PABPC1L2B: variants seen among roughly 807,000 people sequenced by gnomAD.
The protein encoded by PABPC1L2B is polyadenylate-binding protein 1-like 2.
For missense variants in PABPC1L2B, 5 were observed against 16.4 expected, an observed-to-expected ratio of 0.30 and a Z score of 1.20; for synonymous variants, 7 against 7.1, an observed-to-expected ratio of 0.99 and a Z score of 0.02.
In PABPC1L2B at chrX:73,005,792, A is replaced by G. The variant is rs1556364722; in HGVS notation, c.*1547A>G. 1 of 121,796 alleles carries G rather than the reference A, an allele frequency of 8.2e-6. No homozygotes were observed. The highest frequency in any genetic ancestry group is 1.9e-5 in the Non-Finnish European group (1 of 53,263). The allele number at this position is 121,796 out of a possible 1,213,427, so 10.0% of individuals were successfully genotyped here. ...ATATATATACATATTAGATATAGAT[A>G]TAGGGATATATTTGTTTTAAGTAGT... On this transcript the variant is annotated 3_prime_UTR_variant, in exon 1 of 1. Transcript: ENST00000373521.
Position 73,004,945 on chromosome X carries a change from T to G in PABPC1L2B, c.*700T>G. ...TCCAGTGTATCCGTGGACCTTAACA[T>G]TTCTGTAATCATTCCCGCATTGTTG... On this transcript the variant is annotated 3_prime_UTR_variant, in exon 1 of 1. Transcript: ENST00000373521. 1 of 29,360 alleles carries G rather than the reference T, an allele frequency of 3.4e-5. No individual in the cohort carries two copies. The highest frequency in any genetic ancestry group is 6.8e-5 in the Non-Finnish European group (1 of 14,698). The allele number at this position is 29,360 out of a possible 1,213,427, so 2.4% of individuals were successfully genotyped here. A position where few individuals can be genotyped will look rare whatever the true frequency, so the allele number is the denominator to read the frequency against.
chrX:73,003,493 G>C lies in PABPC1L2B; in HGVS notation c.-150G>C. On this transcript the variant is annotated 5_prime_UTR_variant, in exon 1 of 1. Transcript: ENST00000373521. Reference sequence around the variant, plus strand: ...AGCGGAGGCTGCGGGGCCCCCCTTGGGGGAGGCGGAGGCGGATGCGGATGC... The same window carrying C: ...AGCGGAGGCTGCGGGGCCCCCCTTGCGGGAGGCGGAGGCGGATGCGGATGC... 3 of 765,394 alleles carry C rather than the reference G, an allele frequency of 3.9e-6. No individual in the cohort carries two copies. Among genetic ancestry groups the C allele is most frequent in the Non-Finnish European group, 4.9e-6 (3 of 612,328 alleles). The allele number at this position is 765,394 out of a possible 1,213,427, so 63.1% of individuals were successfully genotyped here. A position where few individuals can be genotyped will look rare whatever the true frequency, so the allele number is the denominator to read the frequency against.
chrX:73,005,850 C>G lies in PABPC1L2B; in HGVS notation c.*1605C>G, dbSNP rs1169797396. ...CGTCTGGGTTGTTTCATTTTGTTTT[C>G]TTATGCAAGCCAAAGCTGCCAACAA... On this transcript the variant is annotated 3_prime_UTR_variant, in exon 1 of 1. Coordinates refer to ENST00000373521, the MANE Select transcript of PABPC1L2B (RefSeq NM_001042506.2). 1 of 117,511 alleles carries G rather than the reference C, an allele frequency of 8.5e-6. No individual in the cohort carries two copies. The highest frequency in any genetic ancestry group is 9.5e-5 in the Admixed American group (1 of 10,477). 9.7% of individuals were successfully genotyped at this position (117,511 alleles called of 1,213,427 possible). A position where few individuals can be genotyped will look rare whatever the true frequency, so the allele number is the denominator to read the frequency against.
rs989020532 is a variant in PABPC1L2B, at chrX:73,005,683, T to C, written c.*1438T>C. 3 of 123,314 alleles carry C rather than the reference T, an allele frequency of 2.4e-5. No individual in the cohort carries two copies. Among genetic ancestry groups the C allele is most frequent in the African/African-American group, 9.7e-5 (3 of 30,802 alleles). The allele number at this position is 123,314 out of a possible 1,213,427, so 10.2% of individuals were successfully genotyped here. Reference sequence around the variant, plus strand: ...CATAGATTTATAGATATTCTTGAACTTTCATGTCATTAAATATTCTTCTAA... The same window carrying C: ...CATAGATTTATAGATATTCTTGAACCTTCATGTCATTAAATATTCTTCTAA... On this transcript the variant is annotated 3_prime_UTR_variant, in exon 1 of 1. Coordinates refer to ENST00000373521, the MANE Select transcript of PABPC1L2B (RefSeq NM_001042506.2).
chrX:73,003,549 C>G lies in PABPC1L2B; in HGVS notation c.-94C>G, dbSNP rs1786974346. 8 of 550,450 alleles carry G rather than the reference C, an allele frequency of 1.5e-5. No homozygotes were observed. Among genetic ancestry groups the G allele is most frequent in the Admixed American group, 4.4e-5 (1 of 22,723 alleles). 45.4% of individuals were successfully genotyped at this position (550,450 alleles called of 1,213,427 possible). On this transcript the variant is annotated 5_prime_UTR_variant, in exon 1 of 1. Coordinates refer to ENST00000373521, the MANE Select transcript of PABPC1L2B (RefSeq NM_001042506.2). ...CGGATGCGAATGCGAAGGTGGCGGC[C>G]GAGGTGGCGGCCGAGGTGGCGGCTG...
chrX:73,003,243 GGCGGCA>G lies in PABPC1L2B; in HGVS notation c.-394_-389del, dbSNP rs1349483501. On this transcript the variant is annotated 5_prime_UTR_variant, in exon 1 of 1. Coordinates refer to ENST00000373521, the MANE Select transcript of PABPC1L2B (RefSeq NM_001042506.2). ...CAGCAGCGACAGTGGCGGCGGCGGT[GGCGGCA>G]GCGGCTGCGGCGGCGGCGGAGGCTG... Among the ~76,000 whole-genome samples, 10 of 7,558 alleles carry G rather than the reference GGCGGCA, an allele frequency of 1.3e-3. No homozygotes were observed. Among genetic ancestry groups the G allele is most frequent in the Non-Finnish European group, 1.6e-3 (9 of 5,636 alleles). 6.6% of individuals were successfully genotyped at this position (7,558 alleles called of 115,157 possible). A position where few individuals can be genotyped will look rare whatever the true frequency, so the allele number is the denominator to read the frequency against.
chrX:73,005,304 T>A lies in PABPC1L2B; in HGVS notation c.*1059T>A, dbSNP rs1325891801. On this transcript the variant is annotated 3_prime_UTR_variant, in exon 1 of 1. Transcript: ENST00000373521. Reference sequence around the variant, plus strand: ...GCGTGTGTGCATGCGTGTGTGTGTCTTTGTGTGTGTGTCTTGGCCAGCTTG... The same window carrying A: ...GCGTGTGTGCATGCGTGTGTGTGTCATTGTGTGTGTGTCTTGGCCAGCTTG... 1 of 122,496 alleles carries A rather than the reference T, an allele frequency of 8.2e-6. No homozygotes were observed. Among genetic ancestry groups the A allele is most frequent in the African/African-American group, 3.3e-5 (1 of 30,475 alleles). The allele number at this position is 122,496 out of a possible 1,213,427, so 10.1% of individuals were successfully genotyped here.
Position 73,005,730 on chromosome X carries a change from G to C in PABPC1L2B, c.*1485G>C, listed in dbSNP as rs1358613352. 3.3e-5 allele frequency: 4 copies of C among 122,443 alleles called. No homozygotes were observed. The highest frequency in any genetic ancestry group is 5.6e-5 in the Non-Finnish European group (3 of 53,156). 10.1% of individuals were successfully genotyped at this position (122,443 alleles called of 1,213,427 possible). ...CTAAAATAGTTTTCATGGATGTTTA[G>C]TGCTCTAATATGTGATTGGGCTTCA... is the stretch of plus-strand genomic sequence containing the variant. On this transcript the variant is annotated 3_prime_UTR_variant, in exon 1 of 1. Coordinates refer to ENST00000373521, the MANE Select transcript of PABPC1L2B (RefSeq NM_001042506.2).
chrX:73,003,539 A>C lies in PABPC1L2B; in HGVS notation c.-104A>C. On this transcript the variant is annotated 5_prime_UTR_variant, in exon 1 of 1. Transcript: ENST00000373521. ...GATGCGGATGCGGATGCGAATGCGAAGGTGGCGGCCGAGGTGGCGGCCGAG... is the reference window on the plus strand; with the variant it reads ...GATGCGGATGCGGATGCGAATGCGACGGTGGCGGCCGAGGTGGCGGCCGAG... 4.0e-6 allele frequency: 3 copies of C among 752,404 alleles called. No homozygotes were observed. The highest frequency in any genetic ancestry group is 7.7e-5 in the African/African-American group (1 of 12,932). 62.0% of individuals were successfully genotyped at this position (752,404 alleles called of 1,213,427 possible).
In PABPC1L2B at chrX:73,005,831, G is replaced by T. The variant is rs1556364729; in HGVS notation, c.*1586G>T. ...GTTTTAAGTAGTTATTGGACGTCTG[G>T]GTTGTTTCATTTTGTTTTCTTATGC... On this transcript the variant is annotated 3_prime_UTR_variant, in exon 1 of 1. Transcript: ENST00000373521. 2.5e-5 allele frequency: 3 copies of T among 118,739 alleles called. No individual in the cohort carries two copies. The allele number at this position is 118,739 out of a possible 1,213,427, so 9.8% of individuals were successfully genotyped here. A position where few individuals can be genotyped will look rare whatever the true frequency, so the allele number is the denominator to read the frequency against.
Position 73,003,674 on chromosome X carries a change from C to A in PABPC1L2B, c.32C>A (p.Pro11His). ...TCCCTGTACGTGGGCGACCTGCACC[C>A]TGAGGTGACCGAGGCAATGCTGTAC... MASLYVGDLH[P>H]EVTEAMLYEK... The change falls in exon 1 of 1, where the codon CCT (proline) becomes CAT (histidine). Residue 11 changes from proline (P) to histidine (H), a missense_variant. Physicochemically the swap from Pro to His is moderately conservative, Grantham distance 77. Transcript: ENST00000373521. 4.7e-6 allele frequency: 1 copy of A among 214,282 alleles called. No individual in the cohort carries two copies. Among genetic ancestry groups the A allele is most frequent in the Non-Finnish European group, 6.4e-6 (1 of 155,426 alleles). 17.7% of individuals were successfully genotyped at this position (214,282 alleles called of 1,213,427 possible).
Position 73,005,752 on chromosome X carries a change from T to C in PABPC1L2B, c.*1507T>C, listed in dbSNP as rs781791434. The C allele has an allele frequency of 8.2e-6, 1 of 122,511 alleles. No individual in the cohort carries two copies. Among genetic ancestry groups the C allele is most frequent in the Non-Finnish European group, 1.9e-5 (1 of 53,141 alleles). The allele number at this position is 122,511 out of a possible 1,213,427, so 10.1% of individuals were successfully genotyped here. On this transcript the variant is annotated 3_prime_UTR_variant, in exon 1 of 1. Coordinates refer to ENST00000373521, the MANE Select transcript of PABPC1L2B (RefSeq NM_001042506.2). ...TTAGTGCTCTAATATGTGATTGGGC[T>C]TCATAGAGTGATAGATATATATACA...
In PABPC1L2B at chrX:73,003,251, CGGCTGCGGCGGCGGCGGA is replaced by C. The variant is rs1307863716; in HGVS notation, c.-378_-361del. ...ACAGTGGCGGCGGCGGTGGCGGCAGCGGCTGCGGCGGCGGCGGAGGCTGCGGCGGCGACCGTGGCAGAG... is the reference window on the plus strand; with the variant it reads ...ACAGTGGCGGCGGCGGTGGCGGCAGCGGCTGCGGCGGCGACCGTGGCAGAG... On this transcript the variant is annotated 5_prime_UTR_variant, in exon 1 of 1. Transcript: ENST00000373521. 1.2e-4 allele frequency among the ~76,000 whole-genome samples: 1 copy of C among 8,027 alleles called. No individual in the cohort carries two copies. Among genetic ancestry groups the C allele is most frequent in the Non-Finnish European group, 1.7e-4 (1 of 6,025 alleles). The allele number at this position is 8,027 out of a possible 115,157, so 7.0% of individuals were successfully genotyped here.
rs2055174129 is a variant in PABPC1L2B, at chrX:73,003,759, C to T, written c.117C>T (p.Thr39=). Reference sequence around the variant, plus strand: ...TCCGCATCTGCAGGGACAAGATCACCCGCCGCTCATTGGGCTACGCGTATG... The same window carrying T: ...TCCGCATCTGCAGGGACAAGATCACTCGCCGCTCATTGGGCTACGCGTATG... ...LSIRICRDKI[T]RRSLGYAYVN... Residue 39 remains threonine, a synonymous_variant, in exon 1 of 1, where the codon ACC becomes ACT. Transcript: ENST00000373521. The T allele has an allele frequency of 3.9e-6, 1 of 255,778 alleles. No individual in the cohort carries two copies. Among genetic ancestry groups the T allele is most frequent in the South Asian group, 5.3e-5 (1 of 18,812 alleles). The allele number at this position is 255,778 out of a possible 1,213,427, so 21.1% of individuals were successfully genotyped here.
rs2055186672 is a variant in PABPC1L2B at position 73,006,026 on chromosome X, C to A, written c.*1781C>A. 8.9e-6 allele frequency among the ~76,000 whole-genome samples: 1 copy of A among 111,748 alleles called. No individual in the cohort carries two copies. Among genetic ancestry groups the A allele is most frequent in the African/African-American group, 3.2e-5 (1 of 30,811 alleles). ...GATAAAGATAGTACCAATTTACCCT[C>A]ATAAAATATGCAGATATTGTGAGTG... On this transcript the variant is annotated 3_prime_UTR_variant, in exon 1 of 1. Transcript: ENST00000373521.
At position 73,005,212 on chromosome X, in the gene PABPC1L2B, A is replaced by G. The variant is rs1392535504; in HGVS notation, c.*967A>G. 2 of 119,140 alleles carry G rather than the reference A, an allele frequency of 1.7e-5. No individual in the cohort carries two copies. Among genetic ancestry groups the G allele is most frequent in the African/African-American group, 6.8e-5 (2 of 29,473 alleles). The allele number at this position is 119,140 out of a possible 1,213,427, so 9.8% of individuals were successfully genotyped here. On this transcript the variant is annotated 3_prime_UTR_variant, in exon 1 of 1. Transcript: ENST00000373521. ...ACTCGTGCCGGCCAGCGCAGCTAGT[A>G]AAGAGTATGCCCGTTTCCCCTGCAT...
Position 73,005,870 on chromosome X carries a change from C to A in PABPC1L2B, c.*1625C>A, listed in dbSNP as rs1569465193. On this transcript the variant is annotated 3_prime_UTR_variant, in exon 1 of 1. Transcript: ENST00000373521. ...GTTTTCTTATGCAAGCCAAAGCTGC[C>A]AACAAGATCACAGTGCACAAACATT... is the stretch of plus-strand genomic sequence containing the variant. 9.0e-6 allele frequency among the ~76,000 whole-genome samples: 1 copy of A among 111,531 alleles called. No homozygotes were observed. The highest frequency in any genetic ancestry group is 3.3e-5 in the African/African-American group (1 of 30,718).
At position 73,005,668 on chromosome X, in the gene PABPC1L2B, T is replaced by C. The variant is rs957340267; in HGVS notation, c.*1423T>C. The C allele has an allele frequency of 2.4e-5, 3 of 123,439 alleles. No homozygotes were observed. Among genetic ancestry groups the C allele is most frequent in the Admixed American group, 9.5e-5 (1 of 10,530 alleles). The allele number at this position is 123,439 out of a possible 1,213,427, so 10.2% of individuals were successfully genotyped here. A position where few individuals can be genotyped will look rare whatever the true frequency, so the allele number is the denominator to read the frequency against. On this transcript the variant is annotated 3_prime_UTR_variant, in exon 1 of 1. Coordinates refer to ENST00000373521, the MANE Select transcript of PABPC1L2B (RefSeq NM_001042506.2). ...AATATATATTATAGACATAGATTTATAGATATTCTTGAACTTTCATGTCAT... is the reference window on the plus strand; with the variant it reads ...AATATATATTATAGACATAGATTTACAGATATTCTTGAACTTTCATGTCAT...
Position 73,005,741 on chromosome X carries a change from T to C in PABPC1L2B, c.*1496T>C, listed in dbSNP as rs2055185286. ...TTCATGGATGTTTAGTGCTCTAATA[T>C]GTGATTGGGCTTCATAGAGTGATAG... On this transcript the variant is annotated 3_prime_UTR_variant, in exon 1 of 1. Transcript: ENST00000373521. 1 of 122,686 alleles carries C rather than the reference T, an allele frequency of 8.2e-6. No individual in the cohort carries two copies. Among genetic ancestry groups the C allele is most frequent in the African/African-American group, 3.3e-5 (1 of 30,708 alleles). 10.1% of individuals were successfully genotyped at this position (122,686 alleles called of 1,213,427 possible).
Sources: gnomAD v4.1 joint callset for allele counts (sites outside exome capture counted in the v4.1 genomes callset) on GRCh38, gnomAD v4.1.1 for gene constraint, MANE v1.5 for transcripts, NCBI Gene and HGNC (gene_info 2026-07-23, HGNC 2026-07-21) for gene names.